ARFGEF3: variants seen among roughly 807,000 people sequenced by gnomAD.
ARFGEF3 encodes ARFGEF family member 3.
ARFGEF3 carries 96 observed loss-of-function variants against 221.7 expected under a neutral mutation model. The ratio of observed to expected loss-of-function variants is 0.43; its 90% confidence interval spans 0.37 to 0.51. The LOEUF (loss-of-function observed/expected upper bound fraction) is 0.51, where lower values mean the gene tolerates loss of function less well. Among genes scored for constraint, ARFGEF3 ranks in the 20% least tolerant of loss-of-function variants. The probability of loss-of-function intolerance (pLI) is 0.00; values close to 1 mark genes in which losing one functional copy is unlikely to be tolerated. For missense variants in ARFGEF3, 2,410 were observed against 2,789.9 expected (o/e 0.86, Z 3.07); for synonymous variants, 1,145 against 1,126.8 (o/e 1.02, Z -0.32).
In ARFGEF3 at chr6:138,291,786, C is replaced by A; in HGVS notation, c.3101C>A (p.Ser1034Ter). The change falls in exon 19 of 34, where the codon TCG becomes TAG. Residue 1034 changes from serine (S) to a stop codon, truncating the protein, a stop_gained. Transcript: ENST00000251691. LOFTEE classifies it high-confidence loss of function. This position sits in a 1 kb window ranked among gnomAD's most constrained non-coding sequence, Gnocchi z 4.5. ...LEHNHFSDGA[S>*]QPPLTISQPQ... Reference sequence around the variant, plus strand: ...CACAACCACTTCAGCGATGGTGCCTCGCAGCCCCCTCTGACCATCAGCCAG... The same window carrying A: ...CACAACCACTTCAGCGATGGTGCCTAGCAGCCCCCTCTGACCATCAGCCAG... The A allele has an allele frequency of 6.8e-7, 1 of 1,467,266 alleles. No homozygotes were observed. Among genetic ancestry groups the A allele is most frequent in the Non-Finnish European group, 9.0e-7 (1 of 1,108,328 alleles). The allele number at this position is 1,467,266 out of a possible 1,614,324, so 90.9% of individuals were successfully genotyped here. A position where few individuals can be genotyped will look rare whatever the true frequency, so the allele number is the denominator to read the frequency against.
In ARFGEF3 at chr6:138,337,243, T is replaced by C. The variant is rs1046360330; in HGVS notation, c.*757T>C. ...CCAGTGAAAGTGGCTGGTACGTAGA[T>C]TGTCAAGAGACATAAGACCGACCAG... On this transcript the variant is annotated 3_prime_UTR_variant, in exon 34 of 34. Transcript: ENST00000251691. 2.6e-5 allele frequency: 4 copies of C among 152,640 alleles called. No individual in the cohort carries two copies. Among genetic ancestry groups the C allele is most frequent in the East Asian group, 1.9e-4 (1 of 5,200 alleles). 9.5% of individuals were successfully genotyped at this position (152,640 alleles called of 1,614,324 possible). A position where few individuals can be genotyped will look rare whatever the true frequency, so the allele number is the denominator to read the frequency against.
intron 6 of ARFGEF3, among the ~76,000 whole-genome samples, chr6:138,240,393 G>A (rs890608073): frequency 2.0e-5 from 3 of 152,034 alleles, no homozygotes; most frequent in Admixed American, 6.6e-5. Context: ...TCAATTATAT[G>A]AGTTCATTTA....
intron 12 of ARFGEF3, among the ~76,000 whole-genome samples, chr6:138,277,945 C>T (rs185779502): frequency 1.3e-5 from 2 of 152,258 alleles, no homozygotes; most frequent in East Asian, 3.9e-4. Context: ...AGCGCAGCAT[C>T]CAGAGATCCT....
chr6:138,319,167 G>A (rs531225869), intron 27 of ARFGEF3, among the ~76,000 whole-genome samples: 2 of 146,408 alleles, frequency 1.4e-5, no homozygotes, highest in South Asian at 2.2e-4. Context: ...GCCCAAGCTA[G>A]TCTTAAACTA....
Position 138,289,866 on chromosome 6 carries a change from G to T in ARFGEF3, c.2945G>T (p.Gly982Val), listed in dbSNP as rs747014627. 6.2e-7 allele frequency: 1 copy of T among 1,613,940 alleles called. No homozygotes were observed. Among genetic ancestry groups the T allele is most frequent in the African/African-American group, 1.3e-5 (1 of 75,062 alleles). Residue 982 changes from glycine (G) to valine (V), a missense_variant, in exon 18 of 34, where the codon GGG (glycine) becomes GTG (valine). By Grantham distance (109) the Gly-to-Val change is moderately radical. This residue lies in a region of ARFGEF3 where 594 missense variants were observed against 734.3 expected (regional missense o/e 0.81). Transcript: ENST00000251691. ...CTGGAGCAGATTGGGAAGGTGCAGG[G>T]GGTGTGGCTGCACACTGCCCACGTC... ...QKLEQIGKVQ[G>V]VWLHTAHVLC...
At chr6:138,305,198 C>G (rs1779697216) in intron 22 of ARFGEF3, among the ~76,000 whole-genome samples, 1 of 151,618 alleles carries the variant, frequency 6.6e-6, no homozygotes. Context: ...CAGGAAGGAA[C>G]ACCTCCAAAC....
intron 12 of ARFGEF3, among the ~76,000 whole-genome samples, chr6:138,264,868 C>A (rs1330978570): frequency 1.3e-5 from 2 of 151,112 alleles, no homozygotes; most frequent in Non-Finnish European, 2.9e-5. Context: ...ACACTTAAAT[C>A]TCTGTATATA....
chr6:138,286,222 G>A (rs943825518), intron 15 of ARFGEF3, among the ~76,000 whole-genome samples, 169 bp downstream of exon 15: 3 of 152,088 alleles, frequency 2.0e-5, no homozygotes, highest in Non-Finnish European at 4.4e-5. Flanking sequence ...AGGCCGAGGC[G>A]GGCAGATCAC....
chr6:138,278,352 G>A (rs1462499930), intron 12 of ARFGEF3, 99 bp from the exon 13 acceptor site: 2 of 1,032,714 alleles, frequency 1.9e-6, no homozygotes, highest in Non-Finnish European at 1.5e-6. Context: ...ATATCCTATT[G>A]ATGCAGTATC....
intron 6 of ARFGEF3, among the ~76,000 whole-genome samples, chr6:138,242,058 C>T (rs1299534076): frequency 6.6e-6 from 1 of 152,216 alleles, no homozygotes; most frequent in Non-Finnish European, 1.5e-5. Flanking sequence ...ACTGACATAA[C>T]ATTTCGCAAA....
chr6:138,172,319 TAAAACTGATTTGCTTC>T (rs972316200), intron 2 of ARFGEF3, among the ~76,000 whole-genome samples: 4 of 152,222 alleles, frequency 2.6e-5, no homozygotes, highest in African/African-American at 7.2e-5. Context: ...TCTCCTTTCT[TAAAACTGATTTGCTTC>T]AAAACTGACG....
intron 13 of ARFGEF3, among the ~76,000 whole-genome samples, chr6:138,279,382 C>A (rs902798408): frequency 6.6e-6 from 1 of 152,156 alleles, no homozygotes; most frequent in Non-Finnish European, 1.5e-5. Context: ...ACTGTTGACC[C>A]AGAACTAAGC....
chr6:138,289,860 T>C lies in ARFGEF3; in HGVS notation c.2939T>C (p.Val980Ala). The C allele has an allele frequency of 6.2e-7, 1 of 1,613,952 alleles. No homozygotes were observed. The change falls in exon 18 of 34, where the codon GTG (valine) becomes GCG (alanine). Residue 980 changes from valine to alanine, a missense_variant. By Grantham distance (64) the Val-to-Ala change is moderately conservative. This residue lies in a region of ARFGEF3 where 594 missense variants were observed against 734.3 expected (regional missense o/e 0.81). Transcript: ENST00000251691. ...CAGAAACTGGAGCAGATTGGGAAGG[T>C]GCAGGGGGTGTGGCTGCACACTGCC... is the stretch of plus-strand genomic sequence containing the variant. The part of the protein sequence containing the change: ...VEQKLEQIGK[V>A]QGVWLHTAHV...
chr6:138,228,779 A>G (rs1038859917), intron 4 of ARFGEF3, among the ~76,000 whole-genome samples: 2 of 152,238 alleles, frequency 1.3e-5, no homozygotes, highest in African/African-American at 2.4e-5. Flanking sequence ...ATGCTCCTTC[A>G]TGAATTGAAC....
chr6:138,284,949 T>G (rs1051241869), intron 14 of ARFGEF3, among the ~76,000 whole-genome samples: 5 of 152,200 alleles, frequency 3.3e-5, no homozygotes, highest in African/African-American at 7.2e-5. Flanking sequence ...AGAGTAGTAT[T>G]TGTGTATCTA....
At chr6:138,299,758 GGT>G (rs1779596584) in intron 22 of ARFGEF3, among the ~76,000 whole-genome samples, 1 of 152,176 alleles carries the variant, frequency 6.6e-6, no homozygotes, top group Non-Finnish European at 1.5e-5. Context: ...TTACAAAGCT[GGT>G]GTTCAATCAG....
intron 28 of ARFGEF3, 99 bp from the exon 29 acceptor site, chr6:138,321,012 C>G (rs1470773247): frequency 4.4e-6 from 3 of 686,456 alleles, no homozygotes; most frequent in East Asian, 3.0e-5. Flanking sequence ...CAGATATTTG[C>G]TTATCATTCA....
intron 2 of ARFGEF3, among the ~76,000 whole-genome samples, chr6:138,189,766 G>A (rs1301161372): frequency 6.6e-6 from 1 of 152,074 alleles, no homozygotes; most frequent in Admixed American, 6.6e-5. Flanking sequence ...TCTCCTCTTT[G>A]AAGCTTTGGT....
intron 8 of ARFGEF3, among the ~76,000 whole-genome samples, chr6:138,249,553 G>T (rs2114567425): frequency 6.6e-6 from 1 of 152,134 alleles, no homozygotes; most frequent in African/African-American, 2.4e-5. Flanking sequence ...CTGGTCTCTT[G>T]GTGGCTAACT....
Sources: allele counts gnomAD v4.1 joint callset (sites outside exome capture counted in the v4.1 genomes callset), GRCh38; gene constraint gnomAD v4.1.1; regional missense constraint gnomAD v4.1.1; non-coding constraint Gnocchi (gnomAD v3.1); transcripts MANE v1.5; gene names NCBI Gene and HGNC (gene_info 2026-07-23, HGNC 2026-07-21).